RBFOX1: variants seen among roughly 807,000 people sequenced by gnomAD.
RBFOX1 encodes RNA binding fox-1 homolog 1.
In RBFOX1, 8 loss-of-function variants were observed where a neutral mutation model predicts 57.7. The ratio of observed to expected loss-of-function variants is 0.14; its 90% CI spans 0.08 to 0.25. RBFOX1 has a LOEUF of 0.25. Ranked by LOEUF, RBFOX1 falls within the 10% of genes least tolerant of loss-of-function variation. The pLI is 1.00. For missense variants in RBFOX1, 611 were observed against 548.5 expected, an observed-to-expected ratio of 1.11 and a Z score of -1.14; for synonymous variants, 326 against 222.4, an observed-to-expected ratio of 1.47 and a Z score of -4.15.
At chr16:7,284,331 C>G (rs1481945401) in intron 4 of RBFOX1, among the ~76,000 whole-genome samples, 1 of 152,068 alleles carries the variant, frequency 6.6e-6, no homozygotes, top group Non-Finnish European at 1.5e-5. Flanking sequence ...TTATGTTTAA[C>G]TTTATTCATT....
intron 1 of RBFOX1, among the ~76,000 whole-genome samples, chr16:6,148,018 C>G (rs2096771353): frequency 1.3e-5 from 2 of 152,196 alleles, no homozygotes; most frequent in Non-Finnish European, 2.9e-5. Context: ...TGGCAGAAGC[C>G]AAAGGCTGGT....
intron 4 of RBFOX1, among the ~76,000 whole-genome samples, chr16:5,961,606 A>G (rs1403260831): frequency 3.3e-5 from 5 of 152,162 alleles, no homozygotes; most frequent in African/African-American, 2.4e-5. Flanking sequence ...TGCAGCCTCA[A>G]CCTCCCCAGT....
chr16:5,498,263 T>A (rs2043069735), intron 2 of RBFOX1, among the ~76,000 whole-genome samples: 1 of 152,138 alleles, frequency 6.6e-6, no homozygotes. Flanking sequence ...CTGCTTCAGC[T>A]TCTCAACGAA....
rs1270183444 is a variant in RBFOX1 at position 6,941,296 on chromosome 16, CTCCCTCCTTCCTTCCT to C, written c.-15-110757_-15-110742del. Among the ~76,000 whole-genome samples, 452 of 64,684 alleles carry C rather than the reference CTCCCTCCTTCCTTCCT, an allele frequency of 7.0e-3. 3 individuals carry two copies. Among genetic ancestry groups the C allele is most frequent in the African/African-American group, 0.015 (247 of 16,532 alleles). The allele number at this position is 64,684 out of a possible 152,430, so 42.4% of individuals were successfully genotyped here. On this transcript the variant is annotated intron_variant, in intron 3 of 15. Coordinates refer to ENST00000550418, the MANE Select transcript of RBFOX1 (RefSeq NM_018723.4). ...CTCCCTCCCTTCCCTCCTTCCCTCCCTCCCTCCTTCCTTCCTTCCTTCCTTCCTTCCTTCCTTCCTT... is the reference window on the plus strand; with the variant it reads ...CTCCCTCCCTTCCCTCCTTCCCTCCCTCCTTCCTTCCTTCCTTCCTTCCTT...
chr16:5,817,476 A>G (rs2055684950), intron 3 of RBFOX1, among the ~76,000 whole-genome samples: 1 of 152,174 alleles, frequency 6.6e-6, no homozygotes, highest in South Asian at 2.1e-4. Context: ...GAGAGTGAGA[A>G]ATTAATGGAT....
chr16:7,304,496 C>A, intron 4 of RBFOX1: 2 of 985,286 alleles, frequency 2.0e-6, no homozygotes, highest in Non-Finnish European at 1.2e-6. Flanking sequence ...GTAAGGCGCG[C>A]GTCTGCCCTC....
intron 3 of RBFOX1, among the ~76,000 whole-genome samples, chr16:5,631,143 C>T (rs867234598): frequency 7.9e-5 from 12 of 152,266 alleles, no homozygotes; most frequent in East Asian, 5.8e-4. Flanking sequence ...AAAACTCAAC[C>T]GGTCATTGAG....
chr16:6,947,944 T>C (rs1003597595), intron 3 of RBFOX1, among the ~76,000 whole-genome samples: 2 of 152,012 alleles, frequency 1.3e-5, no homozygotes, highest in African/African-American at 4.8e-5. Flanking sequence ...GCCCAGCTAA[T>C]TTTTGTATTT....
At chr16:7,220,109 T>A (rs1321522658) in intron 4 of RBFOX1, among the ~76,000 whole-genome samples, 1 of 152,158 alleles carries the variant, frequency 6.6e-6, no homozygotes, top group Admixed American at 6.5e-5. Flanking sequence ...CAAACAAAAT[T>A]CACCATATTC....
chr16:6,715,445 C>G (rs558713294), intron 3 of RBFOX1, among the ~76,000 whole-genome samples: 2 of 152,168 alleles, frequency 1.3e-5, no homozygotes, highest in South Asian at 2.1e-4. Context: ...GGTTAGTAAA[C>G]AAATGATTGC....
At chr16:5,779,801 T>C (rs776735312) in intron 3 of RBFOX1, among the ~76,000 whole-genome samples, 10 of 152,196 alleles carry the variant, frequency 6.6e-5, no homozygotes, top group Non-Finnish European at 1.5e-4. Flanking sequence ...ACGACTGTCT[T>C]GTCTAAGTTC....
At chr16:7,195,854 G>T (rs565744106) in intron 4 of RBFOX1, among the ~76,000 whole-genome samples, 1 of 152,010 alleles carries the variant, frequency 6.6e-6, no homozygotes. Flanking sequence ...TGCCCAGCTC[G>T]ATGCTCATAA....
chr16:7,667,035 C>G (rs1331277467), intron 13 of RBFOX1, among the ~76,000 whole-genome samples: 1 of 152,190 alleles, frequency 6.6e-6, no homozygotes, highest in Non-Finnish European at 1.5e-5. Flanking sequence ...TTTCCCCACT[C>G]TTTATATTAT....
At chr16:6,149,764 C>G (rs1183522946) in intron 1 of RBFOX1, among the ~76,000 whole-genome samples, 1 of 152,196 alleles carries the variant, frequency 6.6e-6, no homozygotes, top group African/African-American at 2.4e-5. Context: ...ATAGTCGATT[C>G]TCTTACCTGC....
chr16:7,521,465 A>G (rs1484569422), intron 5 of RBFOX1, among the ~76,000 whole-genome samples: 3 of 152,184 alleles, frequency 2.0e-5, no homozygotes, highest in Non-Finnish European at 4.4e-5. Flanking sequence ...AATTTAATCT[A>G]GTTGGGGAGC....
chr16:5,915,634 C>A (rs568571521), intron 4 of RBFOX1, among the ~76,000 whole-genome samples: 2 of 152,102 alleles, frequency 1.3e-5, no homozygotes, highest in Non-Finnish European at 2.9e-5. Context: ...GAGTTTGAGA[C>A]CAGCCTGGCC....
chr16:6,639,256 G>C lies in RBFOX1; in HGVS notation c.-63-15347G>C, dbSNP rs190874744. Among the ~76,000 whole-genome samples the C allele has an allele frequency of 5.9e-5, 9 of 152,288 alleles. No homozygotes were observed. The East Asian group carries it at 1.5e-3, about 26-fold the overall frequency. On this transcript the variant is annotated intron_variant, in intron 2 of 15. Transcript: ENST00000550418. ...CCCATTGGATGTCTTTCTGGAATCTGATGTCTTTCTGTCTATCTGATTCCT... is the reference window on the plus strand; with the variant it reads ...CCCATTGGATGTCTTTCTGGAATCTCATGTCTTTCTGTCTATCTGATTCCT...
chr16:5,860,874 G>A (rs11076977), intron 3 of RBFOX1, among the ~76,000 whole-genome samples: 53,841 of 152,038 alleles, frequency 0.35, 9,824 homozygotes, highest in East Asian at 0.58. Flanking sequence ...TTTGATGGTC[G>A]TTCTTCTGGG....
At chr16:7,498,940 A>T (rs1056508029) in intron 4 of RBFOX1, among the ~76,000 whole-genome samples, 1 of 152,178 alleles carries the variant, frequency 6.6e-6, no homozygotes, top group Admixed American at 6.5e-5. Context: ...GTGTCACAAC[A>T]TCCTTAGCTG....
Sources: gnomAD v4.1 joint callset for allele counts (sites outside exome capture counted in the v4.1 genomes callset) on GRCh38, gnomAD v4.1.1 for gene constraint, MANE v1.5 for transcripts, NCBI Gene and HGNC (gene_info 2026-07-23, HGNC 2026-07-21) for gene names.